Variants in KLHL32 observed in about 807,000 individuals in gnomAD.
The protein encoded by KLHL32 is kelch-like protein 32.
In KLHL32, 35 loss-of-function variants were observed where a neutral mutation model predicts 64.8. The observed-to-expected ratio is 0.54, with a 90% CI of 0.41 to 0.72. The LOEUF (loss-of-function observed/expected upper bound fraction) is 0.72, where lower values mean the gene tolerates loss of function less well. KLHL32 is among the 30% of genes least tolerant of loss of function. KLHL32 has a pLI of 0.00. For synonymous variants in KLHL32, 259 were observed against 281.0 expected (o/e 0.92, Z 0.78); for missense variants, 589 against 768.5 (o/e 0.77, Z 2.76).
intron 4 of KLHL32, among the ~76,000 whole-genome samples, chr6:97,053,847 CATAG>C (rs1386412726): frequency 1.3e-5 from 2 of 151,938 alleles, no homozygotes; most frequent in East Asian, 1.9e-4. Context: ...TGCATTCATA[CATAG>C]ATATTTTGTA....
intron 4 of KLHL32, among the ~76,000 whole-genome samples, chr6:97,052,832 C>T (rs1276279986): frequency 2.0e-5 from 3 of 152,176 alleles, no homozygotes; most frequent in East Asian, 3.8e-4. Context: ...TATTAACCTT[C>T]ACTTTTTATG....
chr6:97,083,127 C>T (rs1055948152), intron 5 of KLHL32, among the ~76,000 whole-genome samples: 54 of 152,294 alleles, frequency 3.5e-4, no homozygotes, highest in African/African-American at 1.3e-3. Flanking sequence ...TGCCGTGGCT[C>T]ATGCCTGTAA....
chr6:96,981,499 A>C (rs1211952093), intron 3 of KLHL32, among the ~76,000 whole-genome samples: 1 of 152,076 alleles, frequency 6.6e-6, no homozygotes, highest in Non-Finnish European at 1.5e-5. Flanking sequence ...TTTGAAGAAC[A>C]AACTCCTAGT....
Position 97,095,009 on chromosome 6 carries a change from A to C in KLHL32, c.627+9668A>C, listed in dbSNP as rs554836586. On this transcript the variant is annotated intron_variant, in intron 6 of 10. Coordinates refer to ENST00000369261, the MANE Select transcript of KLHL32 (RefSeq NM_052904.4). ...AAAACAAGTGAGCATAATATCATTA[A>C]CTTTGATTAATTCATTTGCTCTTAA... Among the ~76,000 whole-genome samples, 116 of 152,312 alleles carry C rather than the reference A, an allele frequency of 7.6e-4. No homozygotes were observed. In the Middle Eastern group the frequency reaches 0.01, roughly 13 times the overall value.
chr6:97,017,689 G>T (rs1410697443), intron 3 of KLHL32, among the ~76,000 whole-genome samples: 1 of 152,138 alleles, frequency 6.6e-6, no homozygotes, highest in South Asian at 2.1e-4. Context: ...ATATGGCTTG[G>T]AAATTCTTCT....
At chr6:96,970,521 G>A (rs1367169798) in intron 2 of KLHL32, among the ~76,000 whole-genome samples, 2 of 152,118 alleles carry the variant, frequency 1.3e-5, no homozygotes, top group African/African-American at 4.8e-5. Context: ...CTTTAGGGAG[G>A]CCAGATTATT....
At chr6:97,067,668 G>A (rs1007789125) in intron 5 of KLHL32, among the ~76,000 whole-genome samples, 1 of 152,194 alleles carries the variant, frequency 6.6e-6, no homozygotes, top group South Asian at 2.1e-4. Flanking sequence ...ACTGGTGGGT[G>A]TTGTTTTCTT....
intron 3 of KLHL32, among the ~76,000 whole-genome samples, chr6:97,035,804 G>C (rs1044708732): frequency 6.6e-6 from 1 of 151,918 alleles, no homozygotes; most frequent in Non-Finnish European, 1.5e-5. Context: ...ATGTATCCTG[G>C]TGCAGATCTC....
the KLHL32 span, among the ~76,000 whole-genome samples, chr6:96,905,113 T>C: frequency 6.6e-6 from 1 of 152,180 alleles, no homozygotes; most frequent in Non-Finnish European, 1.5e-5. Flanking sequence ...CCATAGCAAT[T>C]TAATCAATAC....
At chr6:97,052,945 T>G (rs992100460) in intron 4 of KLHL32, among the ~76,000 whole-genome samples, 1 of 152,160 alleles carries the variant, frequency 6.6e-6, no homozygotes, top group African/African-American at 2.4e-5. Context: ...CCATTACATC[T>G]CAGGGTCTGG....
At chr6:97,066,502 T>C (rs1405213363) in intron 5 of KLHL32, among the ~76,000 whole-genome samples, 1 of 152,250 alleles carries the variant, frequency 6.6e-6, no homozygotes, top group Non-Finnish European at 1.5e-5. Flanking sequence ...TACATGCTTG[T>C]GGACCGTTAT....
chr6:97,130,808 A>G lies in KLHL32; in HGVS notation c.1465A>G (p.Met489Val), dbSNP rs1318999390. 2 of 1,614,128 alleles carry G rather than the reference A, an allele frequency of 1.2e-6. No homozygotes were observed. Among genetic ancestry groups the G allele is most frequent in the East Asian group, 2.2e-5 (1 of 44,872 alleles). ...PMLQRRVYHS[M>V]AAVQRKLYVL... ...GCTGCAGAGAAGGGTCTACCATTCC[A>G]TGGCTGCTGTACAAAGGAAGCTTTA... is the stretch of plus-strand genomic sequence containing the variant. Residue 489 changes from methionine (M) to valine (V), a missense_variant, in exon 9 of 11, where the codon ATG becomes GTG. Transcript: ENST00000369261.
chr6:97,069,763 C>T (rs1790406830), intron 5 of KLHL32, among the ~76,000 whole-genome samples: 1 of 151,968 alleles, frequency 6.6e-6, no homozygotes, highest in South Asian at 2.1e-4. Flanking sequence ...AAATATACTA[C>T]CAGCCTTTCA....
chr6:96,935,164 T>C (rs1417502488), intron 1 of KLHL32, among the ~76,000 whole-genome samples: 2 of 152,198 alleles, frequency 1.3e-5, no homozygotes, highest in Non-Finnish European at 2.9e-5. Context: ...AGAATTCATT[T>C]TGTGGTGTGT....
At chr6:97,096,137 A>T (rs73505029) in intron 6 of KLHL32, among the ~76,000 whole-genome samples, 1 of 152,116 alleles carries the variant, frequency 6.6e-6, no homozygotes, top group African/African-American at 2.4e-5. Flanking sequence ...CTCACACCCA[A>T]CGTAGCTAAT....
At chr6:96,953,098 A>G (rs1772829060) in intron 1 of KLHL32, among the ~76,000 whole-genome samples, 1 of 152,060 alleles carries the variant, frequency 6.6e-6, no homozygotes, top group Admixed American at 6.5e-5. Flanking sequence ...CATTAATTAA[A>G]CTCTTTCTCT....
intron 7 of KLHL32, among the ~76,000 whole-genome samples, chr6:97,124,520 A>C (rs879539780): frequency 6.6e-6 from 1 of 152,216 alleles, no homozygotes; most frequent in Non-Finnish European, 1.5e-5. Flanking sequence ...GCTACATTCT[A>C]ATCCATTGGT....
chr6:96,971,327 T>C lies in KLHL32; in HGVS notation c.23+4244T>C, dbSNP rs113502799. Among the ~76,000 whole-genome samples, 312 of 152,310 alleles carry C rather than the reference T, an allele frequency of 2.0e-3. 2 individuals are homozygous for C. The highest frequency in any genetic ancestry group is 7.3e-3 in the African/African-American group (304 of 41,562). ...AATTCTTTCCATGAACATCAAACCC[T>C]ATAGGATTTCTGTGACCAAAAATGT... is the stretch of plus-strand genomic sequence containing the variant. On this transcript the variant is annotated intron_variant, in intron 2 of 10. Coordinates refer to ENST00000369261, the MANE Select transcript of KLHL32 (RefSeq NM_052904.4).
chr6:96,980,097 C>A (rs1776139556), intron 3 of KLHL32, among the ~76,000 whole-genome samples: 1 of 152,104 alleles, frequency 6.6e-6, no homozygotes. Flanking sequence ...TATGGAATCA[C>A]ATCATCTGCA....
Sources: allele counts gnomAD v4.1 joint callset (sites outside exome capture counted in the v4.1 genomes callset), GRCh38; gene constraint gnomAD v4.1.1; transcripts MANE v1.5; gene names NCBI Gene and HGNC (gene_info 2026-07-23, HGNC 2026-07-21).